Variants in RGS12 observed in about 807,000 individuals in gnomAD.
RGS12 encodes regulator of G-protein signaling 12.
RGS12 carries 66 observed loss-of-function variants against 120.1 expected under a neutral mutation model. The ratio of observed to expected loss-of-function variants is 0.55; its 90% CI spans 0.45 to 0.67. The LOEUF is 0.67. Among genes scored for constraint, RGS12 ranks in the 30% least tolerant of loss-of-function variants. RGS12 has a pLI of 0.00. For missense variants in RGS12, 1,859 were observed against 1,957.7 expected (o/e 0.95, Z 0.95); for synonymous variants, 827 against 804.7 (o/e 1.03, Z -0.47).
rs1723127146 is a variant in RGS12, at chr4:3,422,524, G to A, written c.2987G>A (p.Gly996Asp). The A allele has an allele frequency of 1.2e-6, 2 of 1,612,848 alleles. No homozygotes were observed. The highest frequency in any genetic ancestry group is 1.7e-6 in the Non-Finnish European group (2 of 1,179,972). ...CTGTCCGGACTCTGTGAGCGGCATG[G>A]CATCAACGGGGCGGCCGCGGACCTC... The part of the protein sequence containing the change: ...DILSGLCERH[G>D]INGAAADLFL... Residue 996 changes from glycine (G) to aspartate (D), a missense_variant, in exon 11 of 18, where the codon GGC becomes GAC. Coordinates refer to ENST00000336727, the MANE Select transcript of RGS12 (RefSeq NM_001394154.1).
intron 2 of RGS12, among the ~76,000 whole-genome samples, chr4:3,338,696 G>A (rs1712748658): frequency 6.6e-6 from 1 of 152,214 alleles, no homozygotes; most frequent in Non-Finnish European, 1.5e-5. Context: ...GCTGGGTGTG[G>A]TGGCCGAAGG....
rs141307120 is a variant in RGS12 at position 3,377,174 on chromosome 4, C to T, written c.1999-9242C>T. On this transcript the variant is annotated intron_variant, in intron 3 of 17. Coordinates refer to ENST00000336727, the MANE Select transcript of RGS12 (RefSeq NM_001394154.1). ...GTCCCAGCTACTTAGGGGGCTCAAGCGATCCTCCTGCCTCAGCCCCCCAAG... is the reference window on the plus strand; with the variant it reads ...GTCCCAGCTACTTAGGGGGCTCAAGTGATCCTCCTGCCTCAGCCCCCCAAG... 2.9e-3 allele frequency among the ~76,000 whole-genome samples: 438 copies of T among 152,138 alleles called. 3 individuals are homozygous for T. The highest frequency in any genetic ancestry group is 0.01 in the African/African-American group (423 of 41,514).
rs202084415 is a variant in RGS12, at chr4:3,310,692, G to C, written c.-101-5378G>C. Among the ~76,000 whole-genome samples the C allele has an allele frequency of 2.0e-4, 30 of 152,202 alleles. No homozygotes were observed. The South Asian group carries it at 3.3e-3, about 17-fold the overall frequency. On this transcript the variant is annotated intron_variant, in intron 1 of 17. Coordinates refer to ENST00000336727, the MANE Select transcript of RGS12 (RefSeq NM_001394154.1). ...GTGTGTCCCTGATGAGGTGGGAGGGGGGTGCCAGGTGGGTGTTCGGCAGCT... is the reference window on the plus strand; with the variant it reads ...GTGTGTCCCTGATGAGGTGGGAGGGCGGTGCCAGGTGGGTGTTCGGCAGCT...
intron 3 of RGS12, among the ~76,000 whole-genome samples, chr4:3,350,998 A>G (rs1046769802): frequency 6.6e-6 from 1 of 152,244 alleles, no homozygotes; most frequent in Non-Finnish European, 1.5e-5. Flanking sequence ...ATCAAATTAT[A>G]TTTTTGACAA....
intron 1 of RGS12, among the ~76,000 whole-genome samples, chr4:3,305,359 G>A (rs1484826628): frequency 6.6e-6 from 1 of 152,164 alleles, no homozygotes; most frequent in Non-Finnish European, 1.5e-5. Flanking sequence ...CTGTCACTGT[G>A]CACCTGCTGG....
Position 3,417,431 on chromosome 4 carries a change from T to C in RGS12, c.2651T>C (p.Leu884Pro), listed in dbSNP as rs1189659896. Residue 884 changes from leucine (L) to proline (P), a missense_variant, in exon 9 of 18, where the codon CTG becomes CCG. Coordinates refer to ENST00000336727, the MANE Select transcript of RGS12 (RefSeq NM_001394154.1). ...TCCGGCCGATCCCTGAATGAAGAGC[T>C]GGGGGATGAGGACAGCGAGAAGAAG... is the stretch of plus-strand genomic sequence containing the variant. Reference protein sequence around the residue: ...SKSGRSLNEELGDEDSEKKRK... With the variant: ...SKSGRSLNEEPGDEDSEKKRK... The C allele has an allele frequency of 1.3e-6, 2 of 1,599,460 alleles. No individual in the cohort carries two copies. Among genetic ancestry groups the C allele is most frequent in the East Asian group, 4.5e-5 (2 of 44,574 alleles).
chr4:3,438,574 C>A (rs148986930), intron 17 of RGS12, among the ~76,000 whole-genome samples: 1 of 152,108 alleles, frequency 6.6e-6, no homozygotes, highest in Non-Finnish European at 1.5e-5. Context: ...TTGGCCCCAG[C>A]CTTCGTTGGC....
Position 3,417,484 on chromosome 4 carries a change from C to A in RGS12, c.2704C>A (p.Arg902=). 1.2e-6 allele frequency: 2 copies of A among 1,613,306 alleles called. No individual in the cohort carries two copies. Among genetic ancestry groups the A allele is most frequent in the Non-Finnish European group, 1.7e-6 (2 of 1,179,850 alleles). The change falls in exon 9 of 18, where the codon CGG becomes AGG. Residue 902 remains arginine, a synonymous_variant. Coordinates refer to ENST00000336727, the MANE Select transcript of RGS12 (RefSeq NM_001394154.1). ...KRKGAFFSWS[R]TRSTGRSQKK... ...GAAAGGCGCGTTTTTCTCGTGGTCGCGGACCAGGAGCACCGGGAGGTCCCA... is the reference window on the plus strand; with the variant it reads ...GAAAGGCGCGTTTTTCTCGTGGTCGAGGACCAGGAGCACCGGGAGGTCCCA...
rs1400193971 is a variant in RGS12 at position 3,317,499 on chromosome 4, G to C, written c.1329G>C (p.Leu443=). 6.2e-7 allele frequency: 1 copy of C among 1,613,284 alleles called. No individual in the cohort carries two copies. The highest frequency in any genetic ancestry group is 2.2e-5 in the East Asian group (1 of 44,892). ...GCAACCGGGTCCTTGTGGTGGACCT[G>C]GGTGGGAGCTCGAGCAGACACGGCC... The part of the protein sequence containing the change: ...EKSNRVLVVD[L]GGSSSRHGPG... Residue 443 remains leucine, a synonymous_variant, in exon 2 of 18, where the codon CTG becomes CTC. Transcript: ENST00000336727.
At chr4:3,413,998 T>C (rs1410724470) in intron 4 of RGS12, 74 bp from the exon 5 acceptor site, 2 of 1,440,770 alleles carry the variant, frequency 1.4e-6, no homozygotes. Context: ...CAGGGTCTCC[T>C]GTGGGCGGGC....
At chr4:3,332,801 C>T (rs1325629697) in intron 2 of RGS12, among the ~76,000 whole-genome samples, 2 of 152,170 alleles carry the variant, frequency 1.3e-5, no homozygotes, top group African/African-American at 4.8e-5. Flanking sequence ...AATCTTTTCT[C>T]CTATGGTTTA....
rs753753096 is a variant in RGS12, at chr4:3,317,070, C to T, written c.900C>T (p.Ala300=). Residue 300 remains alanine (A), a synonymous_variant, in exon 2 of 18, where the codon GCC becomes GCT. Transcript: ENST00000336727. ...CCGAGTACCCGGCCGAGAAGCTGGC[C>T]TTCAGCGCCGTGTGCCCGGACGACC... is the stretch of plus-strand genomic sequence containing the variant. ...VVAEYPAEKL[A]FSAVCPDDRR... 6.2e-7 allele frequency: 1 copy of T among 1,613,714 alleles called. No homozygotes were observed.
intron 1 of RGS12, among the ~76,000 whole-genome samples, chr4:3,310,190 C>T (rs1271780861): frequency 3.3e-5 from 5 of 150,030 alleles, no homozygotes; most frequent in African/African-American, 5.0e-5. Context: ...GAGCTGGGAC[C>T]CGGGAATGGC....
At chr4:3,304,151 A>C (rs1723840070) in intron 1 of RGS12, among the ~76,000 whole-genome samples, 1 of 152,200 alleles carries the variant, frequency 6.6e-6, no homozygotes, top group Non-Finnish European at 1.5e-5. Context: ...TTGGATTTGA[A>C]ATGTTAAAAC....
At chr4:3,428,217 G>A (rs765158224) in intron 15 of RGS12, 48 bp downstream of exon 15, 24 of 1,499,756 alleles carry the variant, frequency 1.6e-5, no homozygotes, top group Admixed American at 8.4e-5. Flanking sequence ...TCTCGCTGTG[G>A]CCCCCGCCTG....
At chr4:3,350,682 A>AAAAAAAC (rs71636718) in intron 3 of RGS12, among the ~76,000 whole-genome samples, 6,485 of 151,186 alleles carry the variant, frequency 0.043, 169 homozygotes, top group South Asian at 0.093. Flanking sequence ...AACCTATCTC[A>AAAAAAAC]AAAAAACAAA....
At chr4:3,430,375 A>G in intron 16 of RGS12, 32 bp from the exon 17 acceptor site, 3 of 1,579,508 alleles carry the variant, frequency 1.9e-6, no homozygotes, top group Non-Finnish European at 2.6e-6. Context: ...AAACTCTCTA[A>G]AACACGGTCA....
chr4:3,307,124 C>G (rs1354158747), intron 1 of RGS12, among the ~76,000 whole-genome samples: 5 of 152,238 alleles, frequency 3.3e-5, no homozygotes, highest in African/African-American at 9.6e-5. Context: ...CTGCCTCCCC[C>G]CACAAGCTTA....
chr4:3,376,301 G>A (rs1184678110), intron 3 of RGS12, among the ~76,000 whole-genome samples: 26 of 139,386 alleles, frequency 1.9e-4, no homozygotes, highest in Admixed American at 1.9e-3. Flanking sequence ...CACTTTAAAG[G>A]GAGAAGCGCA....
Sources: gnomAD v4.1 joint callset for allele counts (sites outside exome capture counted in the v4.1 genomes callset) on GRCh38, gnomAD v4.1.1 for gene constraint, MANE v1.5 for transcripts, NCBI Gene and HGNC (gene_info 2026-07-23, HGNC 2026-07-21) for gene names.